The following SMURF1 variants were observed in gnomAD, a reference collection of about 807,000 sequenced individuals.
SMURF1 encodes SMAD specific E3 ubiquitin protein ligase 1.
Under a neutral mutation model 98.0 loss-of-function variants are expected in SMURF1, and 44 were observed. The ratio of observed to expected loss-of-function variants is 0.45; its 90% CI spans 0.35 to 0.58. The LOEUF (loss-of-function observed/expected upper bound fraction) is 0.58, where lower values mean the gene tolerates loss of function less well. Among genes scored for constraint, SMURF1 ranks in the 20% least tolerant of loss-of-function variants. The probability of loss-of-function intolerance (pLI) is 0.00; values close to 1 mark genes in which losing one functional copy is unlikely to be tolerated. For synonymous variants in SMURF1, 396 were observed against 374.9 expected, an observed-to-expected ratio of 1.06 and a Z score of -0.65; for missense variants, 687 against 938.4, an observed-to-expected ratio of 0.73 and a Z score of 3.50.
chr7:99,119,560 C>T (rs1797548890), intron 1 of SMURF1, among the ~76,000 whole-genome samples: 1 of 152,074 alleles, frequency 6.6e-6, no homozygotes. Context: ...TTCCCAAATA[C>T]AAGATTATAT....
intron 1 of SMURF1, among the ~76,000 whole-genome samples, chr7:99,094,820 GT>G (rs1481260591): frequency 1.3e-5 from 2 of 152,218 alleles, no homozygotes; most frequent in South Asian, 4.1e-4. Context: ...ATGACTAAAA[GT>G]TTCATGCAAA....
intron 1 of SMURF1, among the ~76,000 whole-genome samples, chr7:99,116,989 G>A (rs986426759): frequency 5.3e-5 from 8 of 152,032 alleles, no homozygotes; most frequent in African/African-American, 1.9e-4. Flanking sequence ...ACTGGCATAA[G>A]GAGAGACATT....
At chr7:99,087,735 C>A (rs1268958099) in intron 1 of SMURF1, among the ~76,000 whole-genome samples, 1 of 152,148 alleles carries the variant, frequency 6.6e-6, no homozygotes, top group Non-Finnish European at 1.5e-5. Context: ...TTTGTGCTAT[C>A]TTTTAGGTCC....
chr7:99,075,077 C>T (rs1796420967), intron 1 of SMURF1, among the ~76,000 whole-genome samples: 1 of 152,088 alleles, frequency 6.6e-6, no homozygotes, highest in African/African-American at 2.4e-5. Context: ...GTGGAAGTAG[C>T]AGTAGTAAGT....
chr7:99,058,493 GT>G (rs1467488794), intron 3 of SMURF1, among the ~76,000 whole-genome samples: 1 of 152,110 alleles, frequency 6.6e-6, no homozygotes, highest in Non-Finnish European at 1.5e-5. Flanking sequence ...CACCAATTAG[GT>G]TTGATACAGA....
At chr7:99,108,611 C>CAAAAAAAAAAAAAAAAAAAAAAAAAAA (rs11458541) in intron 1 of SMURF1, among the ~76,000 whole-genome samples, 63 of 58,520 alleles carry the variant, frequency 1.1e-3, no homozygotes, top group East Asian at 2.2e-3. Flanking sequence ...AACTCTGTCT[C>CAAAAAAAAAAAAAAAAAAAAAAAAAAA]AAAAAAAAAA....
chr7:99,085,337 G>A (rs1375322796), intron 1 of SMURF1, among the ~76,000 whole-genome samples: 8 of 132,608 alleles, frequency 6.0e-5, no homozygotes, highest in Non-Finnish European at 1.1e-4. Flanking sequence ...TGGGTGACAA[G>A]AGTGAAACTC....
chr7:99,084,891 T>A (rs543732632), intron 1 of SMURF1, among the ~76,000 whole-genome samples: 24 of 152,172 alleles, frequency 1.6e-4, no homozygotes, highest in Admixed American at 1.6e-3. Context: ...GGTGGGGTTC[T>A]CATGAATGAT....
intron 1 of SMURF1, among the ~76,000 whole-genome samples, chr7:99,119,318 T>C (rs536879107): frequency 4.6e-5 from 7 of 152,248 alleles, no homozygotes; most frequent in Admixed American, 3.9e-4. Flanking sequence ...TAAGCCATCT[T>C]GTACAGTTTA....
In SMURF1 at chr7:99,033,012, G is replaced by A. The variant is rs377665365; in HGVS notation, c.2096+25C>T. On this transcript the variant is annotated intron_variant, in intron 17 of 17. Coordinates refer to ENST00000361368, the MANE Select transcript of SMURF1 (RefSeq NM_181349.3). ...CATCCTCTGGGGCTCCCAGGACGCC[G>A]TGACTTCCTGGCCGCGGTGCTTACC... The A allele has an allele frequency of 1.6e-5, 25 of 1,598,534 alleles. No homozygotes were observed. In the African/African-American group the frequency reaches 2.7e-4, roughly 17 times the overall value.
At chr7:99,058,522 G>C (rs1795941974) in intron 3 of SMURF1, among the ~76,000 whole-genome samples, 1 of 152,170 alleles carries the variant, frequency 6.6e-6, no homozygotes, top group African/African-American at 2.4e-5. Flanking sequence ...TTTGCGACAA[G>C]GGACTACTTA....
At chr7:99,046,558 C>T (rs150011911) in intron 10 of SMURF1, among the ~76,000 whole-genome samples, 4,367 of 151,796 alleles carry the variant, frequency 0.029, 89 homozygotes, top group Non-Finnish European at 0.048. Context: ...TGAAACCCCC[C>T]CATCTCTACT....
intron 11 of SMURF1, among the ~76,000 whole-genome samples, chr7:99,044,314 G>GA (rs200393621): frequency 0.022 from 3,248 of 150,704 alleles, 108 homozygotes; most frequent in African/African-American, 0.074. Context: ...GCTGTCTCCA[G>GA]AAAAAAAAGG....
chr7:99,140,944 G>A (rs1404403612), intron 1 of SMURF1, among the ~76,000 whole-genome samples: 1 of 152,056 alleles, frequency 6.6e-6, no homozygotes. Context: ...CTATTCCACC[G>A]TCAACAAACT....
chr7:99,044,476 G>A (rs1795508253), intron 11 of SMURF1, among the ~76,000 whole-genome samples: 1 of 152,192 alleles, frequency 6.6e-6, no homozygotes, highest in South Asian at 2.1e-4. Context: ...ACAAGCATAG[G>A]AGACTGACCA....
At chr7:99,085,301 C>A (rs919329608) in intron 1 of SMURF1, among the ~76,000 whole-genome samples, 2 of 144,262 alleles carry the variant, frequency 1.4e-5, no homozygotes, top group African/African-American at 5.2e-5. Context: ...TGCAGTGAGT[C>A]GAGATCAAGC....
chr7:99,112,129 A>C (rs1403841975), intron 1 of SMURF1, among the ~76,000 whole-genome samples: 1 of 152,188 alleles, frequency 6.6e-6, no homozygotes, highest in Non-Finnish European at 1.5e-5. Context: ...ATTTTTGTGA[A>C]TCAAGAAAGT....
At chr7:99,061,966 G>A (rs1796044075) in intron 1 of SMURF1, 129 bp from the exon 2 acceptor site, 2 of 607,798 alleles carry the variant, frequency 3.3e-6, no homozygotes, top group East Asian at 2.9e-5. Context: ...TTCAAATCTA[G>A]TATCATATGA....
At chr7:99,048,175 G>A (rs902020396) in intron 9 of SMURF1, 1 of 366,652 alleles carries the variant, frequency 2.7e-6, no homozygotes. Context: ...ATCACCTGAG[G>A]TCAGGAGTTC....
Sources: allele counts gnomAD v4.1 joint callset (sites outside exome capture counted in the v4.1 genomes callset), GRCh38; gene constraint gnomAD v4.1.1; transcripts MANE v1.5; gene names NCBI Gene and HGNC (gene_info 2026-07-23, HGNC 2026-07-21).